The following MCM7 variants were observed in gnomAD, a reference collection of about 807,000 sequenced individuals.
MCM7 encodes DNA replication licensing factor MCM7.
Under a neutral mutation model 83.5 loss-of-function variants are expected in MCM7, and 95 were observed. That is an observed-to-expected ratio of 1.14 (90% CI 0.96 to 1.35). The LOEUF (loss-of-function observed/expected upper bound fraction) is 1.35. Among genes scored for constraint, MCM7 ranks in the 40% most tolerant of loss-of-function variants. MCM7 has a pLI of 0.00. For missense variants in MCM7, 1,087 were observed against 957.4 expected, an observed-to-expected ratio of 1.14 and a Z score of -1.79; for synonymous variants, 461 against 352.7, an observed-to-expected ratio of 1.31 and a Z score of -3.44.
rs747875490 is a variant in MCM7, at chr7:100,096,005, C to T, written c.1364G>A (p.Arg455His). 6.2e-6 allele frequency: 10 copies of T among 1,613,868 alleles called. No individual in the cohort carries two copies. The highest frequency in any genetic ancestry group is 2.2e-5 in the South Asian group (2 of 91,080). The change falls in exon 11 of 15, where the codon CGC becomes CAC. Residue 455 changes from arginine to histidine, a missense_variant. Transcript: ENST00000303887. ...DEFDKMAEAD[R>H]TAIHEVMEQQ... Reference sequence around the variant, plus strand: ...CTCCATGACCTCGTGGATGGCTGTGCGGTCGGCCTCAGCCATCTTGTCGAA... The same window carrying T: ...CTCCATGACCTCGTGGATGGCTGTGTGGTCGGCCTCAGCCATCTTGTCGAA...
At chr7:100,094,938 G>A (rs1795537802) in intron 12 of MCM7, among the ~76,000 whole-genome samples, 1 of 152,204 alleles carries the variant, frequency 6.6e-6, no homozygotes, top group East Asian at 1.9e-4. Context: ...GCCAGGAGCA[G>A]TGGTTCATGC....
rs996991294 is a variant in MCM7 at position 100,099,136 on chromosome 7, CAG to C, written c.467_468del (p.Ser156CysfsTer16). 1 of 1,614,180 alleles carries C rather than the reference CAG, an allele frequency of 6.2e-7. No homozygotes were observed. The highest frequency in any genetic ancestry group is 8.5e-7 in the Non-Finnish European group (1 of 1,180,046). The stretch of plus-strand genomic sequence containing the variant: ...CCACGCACAGTTACCAACTTCCCCA[CAG>C]AGTCAGCCCGCACTTCCCGGATCAC... ...PRVIREVRADSVGKLVTVRGI... is the reference protein window; with the variant it reads ...PRVIREVRADXVGKLVTVRGI... On this transcript the variant is annotated frameshift_variant, in exon 5 of 15. Transcript: ENST00000303887. LOFTEE classifies it high-confidence loss of function.
At chr7:100,100,804 G>A (rs762011867) in intron 1 of MCM7, 1 of 996,140 alleles carries the variant, frequency 1.0e-6, no homozygotes, top group African/African-American at 1.7e-5. Context: ...ACTTCCGCTC[G>A]GAGGGCGGCC....
chr7:100,096,200 GAA>G (rs752454860), intron 10 of MCM7, 33 bp from the exon 11 acceptor site: 4 of 1,521,094 alleles, frequency 2.6e-6, no homozygotes, highest in Non-Finnish European at 3.5e-6. Flanking sequence ...CCATGAGAGA[GAA>G]AGAACAAGAA....
rs540441965 is a variant in MCM7 at position 100,101,386 on chromosome 7, C to T, written c.-92G>A. The T allele has an allele frequency of 1.2e-3, 1,930 of 1,566,788 alleles. 2 individuals are homozygous for T. Among genetic ancestry groups the T allele is most frequent in the Non-Finnish European group, 1.6e-3 (1,831 of 1,146,594 alleles). On this transcript the variant is annotated 5_prime_UTR_variant, in exon 1 of 15. Transcript: ENST00000303887. ...TCTCCGCGCGGTGGACTGTGGCCGGCCAACCGAAATTGGCGCGAAACGTCG... is the reference window on the plus strand; with the variant it reads ...TCTCCGCGCGGTGGACTGTGGCCGGTCAACCGAAATTGGCGCGAAACGTCG...
chr7:100,096,524 C>T (rs1373383596), intron 10 of MCM7, among the ~76,000 whole-genome samples: 1 of 152,222 alleles, frequency 6.6e-6, no homozygotes, highest in Non-Finnish European at 1.5e-5. Context: ...CTAATCCCAG[C>T]ACTTTCGGAG....
intron 1 of MCM7, 200 bp downstream of exon 1, chr7:100,101,064 G>A (rs1414566929): frequency 1.4e-6 from 1 of 734,276 alleles, no homozygotes; most frequent in Non-Finnish European, 2.2e-6. Flanking sequence ...GGGATTACTA[G>A]CTTTTCTTCA....
rs1795622014 is a variant in MCM7, at chr7:100,096,129, G to A, written c.1240C>T (p.Leu414Phe). ...TTGRGSSGVG[L>F]TAAVLRDSVS... ...GAGTCTCTCAGCACAGCTGCCGTAA[G>A]CCCCACTCCTGAGGAGCCCCGGCCT... Residue 414 changes from leucine to phenylalanine, a missense_variant, in exon 11 of 15, where the codon CTT (leucine) becomes TTT (phenylalanine). Coordinates refer to ENST00000303887, the MANE Select transcript of MCM7 (RefSeq NM_005916.5). 3.7e-6 allele frequency: 6 copies of A among 1,612,808 alleles called. No homozygotes were observed. In the African/African-American group the frequency reaches 4.0e-5, roughly 11 times the overall value.
rs146058965 is a variant in MCM7, at chr7:100,097,654, G to A, written c.1077C>T (p.Val359=). 44 of 1,613,990 alleles carry A rather than the reference G, an allele frequency of 2.7e-5. No homozygotes were observed. Among genetic ancestry groups the A allele is most frequent in the South Asian group, 4.4e-5 (4 of 91,062 alleles). ...DVKKALLLLL[V]GGVDQSPRGM... ...CTCGAGGAGACTGGTCCACACCCCC[G>A]ACTAGCAGGAGCAGCAGTGCCTTCT... Residue 359 remains valine, a synonymous_variant, in exon 9 of 15, where the codon GTC becomes GTT. Transcript: ENST00000303887.
At chr7:100,094,110 A>G in intron 13 of MCM7, 63 bp downstream of exon 13, 2 of 1,601,264 alleles carry the variant, frequency 1.2e-6, no homozygotes, top group Non-Finnish European at 1.7e-6. Flanking sequence ...CAATGAGAGC[A>G]CGGTAAGGAG....
In MCM7 at chr7:100,097,677, T is replaced by C. The variant is rs1562896545; in HGVS notation, c.1054A>G (p.Lys352Glu). Residue 352 changes from lysine to glutamate, a missense_variant, in exon 9 of 15, where the codon AAG (lysine) becomes GAG (glutamate). Coordinates refer to ENST00000303887, the MANE Select transcript of MCM7 (RefSeq NM_005916.5). ...CCGACTAGCAGGAGCAGCAGTGCCT[T>C]CTTCACATCTTCATGCCCGTATATT... Reference protein sequence around the residue: ...PEIYGHEDVKKALLLLLVGGV... With the variant: ...PEIYGHEDVKEALLLLLVGGV... 4 of 1,614,204 alleles carry C rather than the reference T, an allele frequency of 2.5e-6. No homozygotes were observed. Among genetic ancestry groups the C allele is most frequent in the African/African-American group, 2.7e-5 (2 of 75,056 alleles).
Position 100,095,900 on chromosome 7 carries a change from G to A in MCM7, c.1469C>T (p.Pro490Leu). 6.2e-7 allele frequency: 1 copy of A among 1,614,000 alleles called. No individual in the cohort carries two copies. The highest frequency in any genetic ancestry group is 8.5e-7 in the Non-Finnish European group (1 of 1,180,018). ...ARCSILAAAN[P>L]AYGRYNPRRS... The stretch of plus-strand genomic sequence containing the variant: ...GCGAGGGTTGTAGCGCCCGTAGGCA[G>A]GGTTGGCGGCAGCCAGGATGGAGCA... Residue 490 changes from proline (P) to leucine (L), a missense_variant, in exon 11 of 15, where the codon CCT (proline) becomes CTT (leucine). Coordinates refer to ENST00000303887, the MANE Select transcript of MCM7 (RefSeq NM_005916.5).
rs934307886 is a variant in MCM7, at chr7:100,097,387, G to A, written c.1118-3C>T. 11 of 1,613,864 alleles carry A rather than the reference G, an allele frequency of 6.8e-6. No homozygotes were observed. The highest frequency in any genetic ancestry group is 1.3e-5 in the African/African-American group (1 of 74,922). ...CATCAGACAGATGTTGATGTTGCCT[G>A]GAGGAAGGGAAGGCAGCCCTGGAAT... On this transcript the variant is annotated splice_region_variant and splice_polypyrimidine_tract_variant and intron_variant, in intron 9 of 14. Coordinates refer to ENST00000303887, the MANE Select transcript of MCM7 (RefSeq NM_005916.5).
rs2307349 is a variant in MCM7 at position 100,093,384 on chromosome 7, C to T, written c.1866G>A (p.Val622=). 9,020 of 1,614,080 alleles carry T rather than the reference C, an allele frequency of 5.6e-3. 468 individuals carry two copies. In the African/African-American group the frequency reaches 0.1, roughly 19 times the overall value. ...TCACATCTTCTTTCTCCACCACATC[C>T]ACCATTCTCAGACGTGCCTAAGGGG... ...LSTALARLRM[V]DVVEKEDVNE... is the part of the protein sequence containing the mutation. Residue 622 remains valine (V), a synonymous_variant, in exon 14 of 15, where the codon GTG becomes GTA. Coordinates refer to ENST00000303887, the MANE Select transcript of MCM7 (RefSeq NM_005916.5).
Position 100,094,340 on chromosome 7 carries a change from G to T in MCM7, c.1681C>A (p.Arg561Ser). Residue 561 changes from arginine to serine, a missense_variant and splice_region_variant, in exon 13 of 15, where the codon CGT becomes AGT. Transcript: ENST00000303887. ...TTCTCGCGGCACATGGCTATGTAAC[G>T]CCTGTGGGGGAAGGTTCATGGGGAA... is the stretch of plus-strand genomic sequence containing the variant. ...FEPLDMKLMR[R>S]YIAMCREKQP... is the part of the protein sequence containing the mutation. 6.2e-7 allele frequency: 1 copy of T among 1,613,970 alleles called. No individual in the cohort carries two copies. Among genetic ancestry groups the T allele is most frequent in the Non-Finnish European group, 8.5e-7 (1 of 1,180,016 alleles).
At chr7:100,097,458 C>G (rs1166929731) in intron 9 of MCM7, 74 bp from the exon 10 acceptor site, 1 of 1,578,812 alleles carries the variant, frequency 6.3e-7, no homozygotes, top group African/African-American at 1.3e-5. Context: ...ATTTTGAGTT[C>G]TGCCTACCCC....
chr7:100,100,660 T>C, intron 1 of MCM7: 7 of 990,042 alleles, frequency 7.1e-6, no homozygotes, highest in Non-Finnish European at 8.4e-6. Flanking sequence ...CTGCCGCCTT[T>C]CCCGGGCCCG....
At chr7:100,099,898 G>A (rs1225500328) in intron 2 of MCM7, 116 bp downstream of exon 2, 3 of 1,420,040 alleles carry the variant, frequency 2.1e-6, no homozygotes, top group Non-Finnish European at 2.9e-6. Context: ...AGCGATACTC[G>A]CTTTTCAGCC....
intron 12 of MCM7, among the ~76,000 whole-genome samples, chr7:100,095,072 A>G (rs1795546148): frequency 6.6e-6 from 1 of 152,150 alleles, no homozygotes; most frequent in Non-Finnish European, 1.5e-5. Flanking sequence ...CCAGCTACTC[A>G]GGAGGCTGAG....
Sources: gnomAD v4.1 joint callset for allele counts (sites outside exome capture counted in the v4.1 genomes callset) on GRCh38, gnomAD v4.1.1 for gene constraint, MANE v1.5 for transcripts, NCBI Gene and HGNC (gene_info 2026-07-23, HGNC 2026-07-21) for gene names.